Variants in DIAPH3 observed in about 807,000 individuals in gnomAD.
The protein encoded by DIAPH3 is protein diaphanous homolog 3.
A neutral mutation model predicts 144.3 loss-of-function variants in DIAPH3; 117 were observed. The observed-to-expected ratio is 0.81, with a 90% CI of 0.70 to 0.95. DIAPH3 has a LOEUF of 0.95. Among genes scored for constraint, DIAPH3 ranks in the 40% least tolerant of loss-of-function variants. DIAPH3 has a pLI of 0.00. For synonymous variants in DIAPH3, 519 were observed against 488.9 expected (o/e 1.06, Z -0.81); for missense variants, 1,421 against 1,412.7 (o/e 1.01, Z -0.09).
chr13:59,943,767 TTTATTCTATCAG>T, intron 17 of DIAPH3, among the ~76,000 whole-genome samples: 1 of 152,326 alleles, frequency 6.6e-6, no homozygotes, highest in Admixed American at 6.5e-5. Flanking sequence ...AATTCTGATA[TTTATTCTATCAG>T]AAGCCCAGTA....
intron 2 of DIAPH3, 30 bp downstream of exon 2, chr13:60,132,927 T>C (rs770293923): frequency 5.0e-6 from 8 of 1,587,954 alleles, no homozygotes; most frequent in African/African-American, 1.3e-5. Context: ...TTACAATTCA[T>C]AACAAAGGAA....
intron 25 of DIAPH3, among the ~76,000 whole-genome samples, chr13:59,799,475 A>C (rs550457415): frequency 5.3e-5 from 8 of 152,254 alleles, no homozygotes; most frequent in African/African-American, 1.9e-4. Context: ...ACTCAGTCAT[A>C]AATTAAACTG....
chr13:59,853,399 T>C (rs911077313), intron 22 of DIAPH3, among the ~76,000 whole-genome samples: 1 of 152,160 alleles, frequency 6.6e-6, no homozygotes, highest in Non-Finnish European at 1.5e-5. Context: ...AGGGCACTGA[T>C]AGGAGGTGAT....
intron 19 of DIAPH3, among the ~76,000 whole-genome samples, chr13:59,912,516 A>G (rs1818299427): frequency 6.6e-6 from 1 of 152,188 alleles, no homozygotes; most frequent in Admixed American, 6.5e-5. Flanking sequence ...GAACTACTTG[A>G]ATAAAGATTA....
At chr13:60,130,334 C>G (rs2059107249) in intron 2 of DIAPH3, among the ~76,000 whole-genome samples, 1 of 152,172 alleles carries the variant, frequency 6.6e-6, no homozygotes, top group African/African-American at 2.4e-5. Context: ...TGGGCCTACC[C>G]AAGAGACAAG....
chr13:59,983,898 A>T lies in DIAPH3; in HGVS notation c.1362-11T>A. The T allele has an allele frequency of 1.3e-6, 2 of 1,523,386 alleles. No homozygotes were observed. The highest frequency in any genetic ancestry group is 1.8e-6 in the Non-Finnish European group (2 of 1,099,238). The allele number at this position is 1,523,386 out of a possible 1,614,324, so 94.4% of individuals were successfully genotyped here. A position where few individuals can be genotyped will look rare whatever the true frequency, so the allele number is the denominator to read the frequency against. ...TTGAAGTATTGTTGCCTAAAACCAA[A>T]GAAAAGAGTAAATGTACAATTGATA... On this transcript the variant is annotated splice_polypyrimidine_tract_variant and intron_variant, in intron 12 of 27. Transcript: ENST00000400324.
At chr13:60,030,567 C>A (rs1879072387) in intron 5 of DIAPH3, among the ~76,000 whole-genome samples, 2 of 152,102 alleles carry the variant, frequency 1.3e-5, no homozygotes, top group Admixed American at 1.3e-4. Context: ...AACATGTACT[C>A]TGATCTTCTC....
chr13:59,766,190 C>T (rs1292607041), intron 27 of DIAPH3, among the ~76,000 whole-genome samples: 3 of 152,254 alleles, frequency 2.0e-5, no homozygotes, highest in Non-Finnish European at 4.4e-5. Flanking sequence ...TTTTTAGAAC[C>T]TTTAGGCTGC....
At chr13:59,768,541 AG>A (rs1293963405) in intron 27 of DIAPH3, among the ~76,000 whole-genome samples, 1 of 152,136 alleles carries the variant, frequency 6.6e-6, no homozygotes, top group East Asian at 1.9e-4. Context: ...GAGAAAAGGC[AG>A]GTCAAGAAAC....
chr13:59,883,429 C>T (rs759415867), intron 20 of DIAPH3, among the ~76,000 whole-genome samples: 1 of 152,066 alleles, frequency 6.6e-6, no homozygotes, highest in African/African-American at 2.4e-5. Context: ...TGGCACACCT[C>T]AGAAGGATTT....
chr13:60,056,084 G>A (rs2056547825), intron 4 of DIAPH3, among the ~76,000 whole-genome samples: 1 of 151,636 alleles, frequency 6.6e-6, no homozygotes, highest in South Asian at 2.1e-4. Flanking sequence ...GAACAATAAT[G>A]TCAGAGAAAT....
chr13:59,742,814 G>C (rs2036529642), intron 27 of DIAPH3, among the ~76,000 whole-genome samples: 1 of 152,148 alleles, frequency 6.6e-6, no homozygotes, highest in African/African-American at 2.4e-5. Flanking sequence ...TATTTAAGTA[G>C]CTTTGACAAT....
chr13:60,154,569 G>A (rs1330369109), intron 1 of DIAPH3, among the ~76,000 whole-genome samples: 2 of 152,118 alleles, frequency 1.3e-5, no homozygotes, highest in African/African-American at 2.4e-5. Flanking sequence ...AATGTTTCAG[G>A]ACCAAAGCTT....
chr13:59,883,390 T>C (rs540246870), intron 20 of DIAPH3, among the ~76,000 whole-genome samples: 12 of 152,204 alleles, frequency 7.9e-5, no homozygotes, highest in Non-Finnish European at 1.6e-4. Context: ...AGATGTTTTT[T>C]TCCCCCGTCC....
At chr13:60,079,869 T>G (rs2057494647) in intron 4 of DIAPH3, among the ~76,000 whole-genome samples, 1 of 151,974 alleles carries the variant, frequency 6.6e-6, no homozygotes, top group African/African-American at 2.4e-5. Flanking sequence ...ACTGTAACAT[T>G]TATTTTCTCA....
At chr13:60,013,584 A>G (rs2053428856) in intron 7 of DIAPH3, among the ~76,000 whole-genome samples, 1 of 152,194 alleles carries the variant, frequency 6.6e-6, no homozygotes, top group Non-Finnish European at 1.5e-5. Context: ...TCTTCCATTT[A>G]AAAAATACTC....
In DIAPH3 at chr13:59,686,224, C is replaced by CT. The variant is rs199959611; in HGVS notation, c.3320-19379dup. Among the ~76,000 whole-genome samples the CT allele has an allele frequency of 7.8e-3, 1,182 of 152,108 alleles. 20 individuals are homozygous for CT. The highest frequency in any genetic ancestry group is 0.026 in the African/African-American group (1,098 of 41,512). On this transcript the variant is annotated intron_variant, in intron 27 of 27. Coordinates refer to ENST00000400324, the MANE Select transcript of DIAPH3 (RefSeq NM_001042517.2). ...GAAAATGTGGCACTCAGTCATTCAT[C>CT]TTTTTTTCTGAAACAAAGGGAACCG...
chr13:59,757,327 TA>T (rs11357102), intron 27 of DIAPH3, among the ~76,000 whole-genome samples: 57,758 of 145,940 alleles, frequency 0.4, 11,705 homozygotes, highest in African/African-American at 0.5. Flanking sequence ...TATATAATGG[TA>T]AAAAAAAATT....
chr13:60,161,339 A>G (rs1594809768), intron 1 of DIAPH3, among the ~76,000 whole-genome samples: 1 of 152,344 alleles, frequency 6.6e-6, no homozygotes, highest in East Asian at 1.9e-4. Flanking sequence ...CATTGCTGGG[A>G]ACTTTGATGG....
Sources: gnomAD v4.1 joint callset for allele counts (sites outside exome capture counted in the v4.1 genomes callset) on GRCh38, gnomAD v4.1.1 for gene constraint, MANE v1.5 for transcripts, NCBI Gene and HGNC (gene_info 2026-07-23, HGNC 2026-07-21) for gene names.